Variants in CNGB3 observed in about 807,000 individuals in gnomAD.
The protein encoded by CNGB3 is cyclic nucleotide gated channel subunit beta 3, also known as cyclic nucleotide-gated channel beta-3.
Under a neutral mutation model 92.8 loss-of-function variants are expected in CNGB3, and 86 were observed. That is an observed-to-expected ratio of 0.93 (90% CI 0.78 to 1.11). The LOEUF is 1.11. Ranked by LOEUF, CNGB3 falls within the 50% of genes least tolerant of loss-of-function variation. The probability of loss-of-function intolerance (pLI) is 0.00; values close to 1 mark genes in which losing one functional copy is unlikely to be tolerated. For missense variants in CNGB3, 1,026 were observed against 956.8 expected, an observed-to-expected ratio of 1.07 and a Z score of -0.95; for synonymous variants, 333 against 332.7, an observed-to-expected ratio of 1.00 and a Z score of -0.01.
intron 11 of CNGB3, among the ~76,000 whole-genome samples, chr8:86,630,313 T>C (rs1365054306): frequency 6.6e-6 from 1 of 152,180 alleles, no homozygotes; most frequent in Non-Finnish European, 1.5e-5. Context: ...GCTTGGGAGA[T>C]TTAATAGAGT....
intron 2 of CNGB3, among the ~76,000 whole-genome samples, chr8:86,738,517 G>A (rs1387271500): frequency 1.3e-5 from 2 of 152,128 alleles, no homozygotes; most frequent in African/African-American, 4.8e-5. Flanking sequence ...ATAAGGGCCC[G>A]AGCCAGGATG....
chr8:86,639,510 C>T (rs1394845741), intron 10 of CNGB3, among the ~76,000 whole-genome samples: 1 of 151,764 alleles, frequency 6.6e-6, no homozygotes, highest in African/African-American at 2.4e-5. Context: ...CCATTTATGC[C>T]CCACAGTCTG....
At chr8:86,710,506 T>C (rs950294549) in intron 3 of CNGB3, among the ~76,000 whole-genome samples, 2 of 152,162 alleles carry the variant, frequency 1.3e-5, no homozygotes, top group Non-Finnish European at 2.9e-5. Flanking sequence ...CATCCATTTA[T>C]TCTCTCACCA....
intron 13 of CNGB3, among the ~76,000 whole-genome samples, chr8:86,621,716 TATAA>T (rs1026765917): frequency 2.6e-5 from 4 of 152,162 alleles, no homozygotes; most frequent in Non-Finnish European, 5.9e-5. Flanking sequence ...AGCTCCCACT[TATAA>T]ATGAGTATAT....
intron 2 of CNGB3, among the ~76,000 whole-genome samples, chr8:86,731,922 C>A (rs1825163207): frequency 6.6e-6 from 1 of 152,136 alleles, no homozygotes; most frequent in African/African-American, 2.4e-5. Flanking sequence ...CAAAAACTTC[C>A]ATTTACTTAA....
intron 3 of CNGB3, among the ~76,000 whole-genome samples, chr8:86,675,083 C>T (rs562485459): frequency 1.2e-4 from 19 of 152,098 alleles, no homozygotes; most frequent in Admixed American, 9.8e-4. Context: ...CTCAGCCTCC[C>T]GAGTAGCTGG....
At chr8:86,713,400 T>C (rs1563763654) in intron 3 of CNGB3, among the ~76,000 whole-genome samples, 1 of 152,162 alleles carries the variant, frequency 6.6e-6, no homozygotes, top group East Asian at 1.9e-4. Flanking sequence ...TTTGCACTTT[T>C]AAAGAGTTCC....
chr8:86,734,981 A>T (rs1825220227), intron 2 of CNGB3, among the ~76,000 whole-genome samples: 1 of 149,206 alleles, frequency 6.7e-6, no homozygotes, highest in Non-Finnish European at 1.5e-5. Flanking sequence ...TCAACTAAAG[A>T]GTTAGAAAGT....
At chr8:86,721,229 G>T (rs559021663) in intron 3 of CNGB3, among the ~76,000 whole-genome samples, 19 of 152,206 alleles carry the variant, frequency 1.2e-4, no homozygotes, top group African/African-American at 4.1e-4. Context: ...GCCTCCCAAA[G>T]GTCAGTCTCC....
chr8:86,633,513 T>A (rs1650057491), intron 10 of CNGB3, among the ~76,000 whole-genome samples: 1 of 152,174 alleles, frequency 6.6e-6, no homozygotes, highest in Non-Finnish European at 1.5e-5. Context: ...GATTTTTACA[T>A]GAGAGCTGTT....
At chr8:86,713,854 A>G (rs888868803) in intron 3 of CNGB3, among the ~76,000 whole-genome samples, 1 of 152,186 alleles carries the variant, frequency 6.6e-6, no homozygotes, top group Non-Finnish European at 1.5e-5. Context: ...ACTTAAAAAA[A>G]TATACTTCAT....
chr8:86,621,378 T>A (rs1343311236), intron 13 of CNGB3, among the ~76,000 whole-genome samples: 2 of 152,218 alleles, frequency 1.3e-5, no homozygotes, highest in Non-Finnish European at 2.9e-5. Context: ...GTATATGTGA[T>A]TTTAAAAATA....
At chr8:86,624,587 T>C (rs1822807580) in intron 13 of CNGB3, among the ~76,000 whole-genome samples, 1 of 152,102 alleles carries the variant, frequency 6.6e-6, no homozygotes, top group African/African-American at 2.4e-5. Flanking sequence ...TGTTTCCAGC[T>C]CAGGGCATCG....
At chr8:86,739,853 T>C (rs1387463852) in intron 1 of CNGB3, 117 bp from the exon 2 acceptor site, 1 of 1,172,760 alleles carries the variant, frequency 8.5e-7, no homozygotes, top group Non-Finnish European at 1.2e-6. Flanking sequence ...ATTGACTGTT[T>C]ATGATGTACT....
rs975333214 is a variant in CNGB3 at position 86,588,546 on chromosome 8, G to A, written c.1782-9294C>T. ...CTAATTTATTGAGAGTTTTTAGCAT[G>A]AAGGTTGTTGAATTTTGTCAAAGGC... On this transcript the variant is annotated intron_variant, in intron 15 of 17. Transcript: ENST00000320005. 6.2e-3 allele frequency among the ~76,000 whole-genome samples: 933 copies of A among 151,578 alleles called. 12 individuals carry two copies. The highest frequency in any genetic ancestry group is 0.022 in the African/African-American group (884 of 40,986).
At chr8:86,676,101 C>CTTGAAAGAT (rs1823962038) in intron 3 of CNGB3, among the ~76,000 whole-genome samples, 1 of 152,126 alleles carries the variant, frequency 6.6e-6, no homozygotes, top group Non-Finnish European at 1.5e-5. Context: ...ATTTATAAGA[C>CTTGAAAGAT]GTGGATCTTG....
intron 2 of CNGB3, among the ~76,000 whole-genome samples, chr8:86,729,089 T>G (rs1295263741): frequency 2.6e-5 from 4 of 152,078 alleles, no homozygotes; most frequent in African/African-American, 4.8e-5. Context: ...TTTTGTATTT[T>G]TTGTCGAGAT....
chr8:86,596,968 T>C (rs1822184987), intron 15 of CNGB3, among the ~76,000 whole-genome samples: 1 of 150,122 alleles, frequency 6.7e-6, no homozygotes, highest in South Asian at 2.1e-4. Context: ...TAAGTGGGAG[T>C]TGAACAACGA....
chr8:86,630,511 T>C (rs1262440689), intron 11 of CNGB3, among the ~76,000 whole-genome samples: 1 of 152,122 alleles, frequency 6.6e-6, no homozygotes, highest in Non-Finnish European at 1.5e-5. Flanking sequence ...CATGAGAGTA[T>C]GAGAGGAAGA....
Sources: gnomAD v4.1 joint callset for allele counts (sites outside exome capture counted in the v4.1 genomes callset) on GRCh38, gnomAD v4.1.1 for gene constraint, MANE v1.5 for transcripts, NCBI Gene and HGNC (gene_info 2026-07-23, HGNC 2026-07-21) for gene names.